The following EYS variants were observed in gnomAD, a reference collection of about 807,000 sequenced individuals.
EYS encodes the protein EGF-like photoreceptor maintenance factor, also known as protein eyes shut homolog.
Under a neutral mutation model 282.1 loss-of-function variants are expected in EYS, and 250 were observed. The ratio of observed to expected loss-of-function variants is 0.89; its 90% confidence interval spans 0.80 to 0.98. The LOEUF (loss-of-function observed/expected upper bound fraction) is 0.98, where lower values mean the gene tolerates loss of function less well. Among genes scored for constraint, EYS ranks in the 50% least tolerant of loss-of-function variants. The pLI, the probability that EYS is intolerant of heterozygous loss-of-function variation, is 0.00. For synonymous variants in EYS, 1,355 were observed against 1,282.9 expected, an observed-to-expected ratio of 1.06 and a Z score of -1.20; for missense variants, 4,016 against 3,709.0, an observed-to-expected ratio of 1.08 and a Z score of -2.15.
chr6:65,701,656 C>T lies in EYS; in HGVS notation c.-448+5479G>A, dbSNP rs140881170. On this transcript the variant is annotated intron_variant, in intron 1 of 42. Transcript: ENST00000503581. ...GCTTTTATTATTTATTATTTTCTTC[C>T]TTATTTATTTCTTGATTTTTTTTCT... Among the ~76,000 whole-genome samples, 759 of 152,156 alleles carry T rather than the reference C, an allele frequency of 5.0e-3. 6 individuals carry two copies. The highest frequency in any genetic ancestry group is 0.017 in the African/African-American group (715 of 41,510).
In EYS at chr6:65,318,294, C is replaced by T. The variant is rs1200059766; in HGVS notation, c.1766+16686G>A. Among the ~76,000 whole-genome samples, 12 of 149,876 alleles carry T rather than the reference C, an allele frequency of 8.0e-5. No homozygotes were observed. The East Asian group carries it at 1.4e-3, about 17-fold the overall frequency. The stretch of plus-strand genomic sequence containing the variant: ...AGCAATAGATCAGAGAGAGAGAGAG[C>T]GACAAAGACACAAAGAGACAGAGAG... On this transcript the variant is annotated intron_variant, in intron 11 of 42. Transcript: ENST00000503581.
intron 29 of EYS, among the ~76,000 whole-genome samples, chr6:64,345,777 G>T (rs1771361631): frequency 6.6e-6 from 1 of 151,898 alleles, no homozygotes; most frequent in Non-Finnish European, 1.5e-5. Flanking sequence ...CTACAGAATG[G>T]GAGAAAATTT....
chr6:64,890,050 C>G (rs936128883), intron 18 of EYS, among the ~76,000 whole-genome samples: 1 of 149,476 alleles, frequency 6.7e-6, no homozygotes, highest in East Asian at 2.0e-4. Flanking sequence ...TAAATGCCCC[C>G]CCCCCCCAAG....
intron 35 of EYS, among the ~76,000 whole-genome samples, chr6:63,932,472 G>A (rs1458387492): frequency 1.3e-5 from 2 of 152,066 alleles, no homozygotes; most frequent in Non-Finnish European, 2.9e-5. Flanking sequence ...CGTGTTACCT[G>A]GTTCAACACT....
intron 36 of EYS, among the ~76,000 whole-genome samples, chr6:63,816,352 G>T (rs953778644): frequency 2.6e-5 from 4 of 152,074 alleles, no homozygotes; most frequent in African/African-American, 4.8e-5. Flanking sequence ...AAAACATAAT[G>T]AAATAAAGTA....
intron 26 of EYS, among the ~76,000 whole-genome samples, chr6:64,452,806 A>T (rs1210337641): frequency 6.6e-6 from 1 of 152,220 alleles, no homozygotes; most frequent in African/African-American, 2.4e-5. Context: ...GGCTAGCCAT[A>T]TGTAGAAAGC....
intron 5 of EYS, among the ~76,000 whole-genome samples, chr6:65,429,475 C>T (rs1207939492): frequency 6.6e-6 from 1 of 152,122 alleles, no homozygotes; most frequent in South Asian, 2.1e-4. Flanking sequence ...TTTCTTATAG[C>T]CTTATAGCTA....
intron 31 of EYS, among the ~76,000 whole-genome samples, chr6:64,142,228 TAAAG>T (rs1199364708): frequency 1.3e-5 from 2 of 151,954 alleles, no homozygotes; most frequent in African/African-American, 4.8e-5. Context: ...ATCCAATAAT[TAAAG>T]AAATTAAATT....
At chr6:65,618,513 C>T (rs958298369) in intron 2 of EYS, among the ~76,000 whole-genome samples, 39 of 152,254 alleles carry the variant, frequency 2.6e-4, no homozygotes, top group African/African-American at 7.0e-4. Flanking sequence ...TGCTTGTTCA[C>T]TCTGATGGTA....
At chr6:63,876,656 G>A (rs1252661825) in intron 35 of EYS, among the ~76,000 whole-genome samples, 1 of 152,176 alleles carries the variant, frequency 6.6e-6, no homozygotes, top group Non-Finnish European at 1.5e-5. Context: ...GGGTGCTCCT[G>A]TATTGGGTGC....
chr6:65,551,111 A>G (rs1768597120), intron 2 of EYS, among the ~76,000 whole-genome samples: 1 of 50,166 alleles, frequency 2.0e-5, no homozygotes, highest in Non-Finnish European at 3.1e-5. Flanking sequence ...TAGGAATCCA[A>G]CTTACAAGGG....
At chr6:65,023,109 A>T (rs1328893985) in intron 13 of EYS, among the ~76,000 whole-genome samples, 1 of 152,172 alleles carries the variant, frequency 6.6e-6, no homozygotes, top group Non-Finnish European at 1.5e-5. Flanking sequence ...AAGTTTGTGA[A>T]TATCCTAAAA....
At chr6:65,350,378 C>T (rs1770552131) in intron 9 of EYS, among the ~76,000 whole-genome samples, 1 of 151,076 alleles carries the variant, frequency 6.6e-6, no homozygotes, top group South Asian at 2.1e-4. Flanking sequence ...ATGTCTTCTA[C>T]CAGAAGATCC....
intron 22 of EYS, among the ~76,000 whole-genome samples, chr6:64,783,138 G>A (rs1773911983): frequency 6.6e-6 from 1 of 152,078 alleles, no homozygotes; most frequent in Non-Finnish European, 1.5e-5. Context: ...TTGGTCATCA[G>A]ATTGACTGTC....
chr6:65,390,650 G>A (rs1360982619), intron 7 of EYS, among the ~76,000 whole-genome samples: 3 of 152,000 alleles, frequency 2.0e-5, no homozygotes, highest in Non-Finnish European at 2.9e-5. Flanking sequence ...TTGGGAGGCT[G>A]AGGCAGGAGG....
intron 26 of EYS, among the ~76,000 whole-genome samples, chr6:64,489,363 T>C (rs1776669029): frequency 1.3e-5 from 2 of 150,620 alleles, no homozygotes; most frequent in Non-Finnish European, 3.0e-5. Flanking sequence ...ATTGAGCTTT[T>C]CTTTTTTGTA....
At chr6:64,481,503 AT>A (rs1776437124) in intron 26 of EYS, among the ~76,000 whole-genome samples, 1 of 142,856 alleles carries the variant, frequency 7.0e-6, no homozygotes, top group South Asian at 2.2e-4. Flanking sequence ...AGCAAAAAAA[AT>A]TATTTTTGTT....
Position 65,384,371 on chromosome 6 carries a change from T to C in EYS, c.1299+15A>G. On this transcript the variant is annotated intron_variant, in intron 8 of 42. Coordinates refer to ENST00000503581, the MANE Select transcript of EYS (RefSeq NM_001142800.2). Reference sequence around the variant, plus strand: ...TGAAGGGCTAACTTATGTTGCCATGTATTAAATTACTTACTTTGAATCTTC... The same window carrying C: ...TGAAGGGCTAACTTATGTTGCCATGCATTAAATTACTTACTTTGAATCTTC... The C allele has an allele frequency of 1.4e-6, 2 of 1,400,320 alleles. No individual in the cohort carries two copies. Among genetic ancestry groups the C allele is most frequent in the Non-Finnish European group, 2.0e-6 (2 of 989,036 alleles). The allele number at this position is 1,400,320 out of a possible 1,614,324, so 86.7% of individuals were successfully genotyped here.
chr6:64,547,652 G>T (rs1233243297), intron 26 of EYS, among the ~76,000 whole-genome samples: 1 of 152,234 alleles, frequency 6.6e-6, no homozygotes, highest in South Asian at 2.1e-4. Flanking sequence ...CAGGAGCCCA[G>T]CTGGCTTCAC....
Sources: allele counts gnomAD v4.1 joint callset (sites outside exome capture counted in the v4.1 genomes callset), GRCh38; gene constraint gnomAD v4.1.1; transcripts MANE v1.5; gene names NCBI Gene and HGNC (gene_info 2026-07-23, HGNC 2026-07-21).